MTPN: variants seen among roughly 807,000 people sequenced by gnomAD.
MTPN encodes the protein myotrophin, also known as granule cell differentiation protein.
In MTPN, 2 loss-of-function variants were observed where a neutral mutation model predicts 13.5. That is an observed-to-expected ratio of 0.15 (90% confidence interval 0.06 to 0.47). The LOEUF (loss-of-function observed/expected upper bound fraction) is 0.47, where lower values mean the gene tolerates loss of function less well. Among genes scored for constraint, MTPN ranks in the 20% least tolerant of loss-of-function variants. The probability of loss-of-function intolerance (pLI) is 0.97; values close to 1 mark genes in which losing one functional copy is unlikely to be tolerated. For missense variants in MTPN, 79 were observed against 137.9 expected (o/e 0.57, Z 2.14); for synonymous variants, 46 against 51.7 (o/e 0.89, Z 0.48).
chr7:135,953,148 C>T (rs1417656804), intron 1 of MTPN, among the ~76,000 whole-genome samples: 1 of 152,130 alleles, frequency 6.6e-6, no homozygotes, highest in Admixed American at 6.5e-5. Context: ...TGCCTGCTCC[C>T]TCCTTCCTTC....
Position 135,977,023 on chromosome 7 carries a change from G to T in MTPN, c.72+6C>A. On this transcript the variant is annotated splice_donor_region_variant and intron_variant, in intron 1 of 3. Coordinates refer to ENST00000393085, the MANE Select transcript of MTPN (RefSeq NM_145808.4). ...GTTCTCGCCTACTCTTCTCATCCCC[G>T]CTTACCTTGGCCACATAGTCTTTCA... is the stretch of plus-strand genomic sequence containing the variant. The T allele has an allele frequency of 7.0e-7, 1 of 1,436,980 alleles. No individual in the cohort carries two copies. The highest frequency in any genetic ancestry group is 9.3e-7 in the Non-Finnish European group (1 of 1,070,644). 89.0% of individuals were successfully genotyped at this position (1,436,980 alleles called of 1,614,324 possible). A position where few individuals can be genotyped will look rare whatever the true frequency, so the allele number is the denominator to read the frequency against.
chr7:135,927,185 G>A lies in MTPN; in HGVS notation c.*2741C>T. ...TACAGATTTAAAATCCAGTACTTGG[G>A]AAAAGATATCAATGAATAAAAGGCC... On this transcript the variant is annotated 3_prime_UTR_variant, in exon 4 of 4. Coordinates refer to ENST00000393085, the MANE Select transcript of MTPN (RefSeq NM_145808.4). 2.0e-6 allele frequency: 2 copies of A among 977,898 alleles called. No homozygotes were observed. Among genetic ancestry groups the A allele is most frequent in the Non-Finnish European group, 1.4e-6 (1 of 694,322 alleles). 60.6% of individuals were successfully genotyped at this position (977,898 alleles called of 1,614,324 possible).
At chr7:135,959,144 T>C (rs1208341739) in intron 1 of MTPN, among the ~76,000 whole-genome samples, 1 of 152,208 alleles carries the variant, frequency 6.6e-6, no homozygotes, top group Non-Finnish European at 1.5e-5. Flanking sequence ...GAACACACTA[T>C]GTATTCTTTC....
intron 3 of MTPN, among the ~76,000 whole-genome samples, chr7:135,943,569 TACATAAA>T (rs1310626046): frequency 6.6e-6 from 1 of 152,246 alleles, no homozygotes; most frequent in African/African-American, 2.4e-5. Context: ...ATAGCAATTA[TACATAAA>T]ACATAAAACA....
chr7:135,972,259 ACC>A (rs34175475), intron 1 of MTPN, among the ~76,000 whole-genome samples: 25,401 of 111,078 alleles, frequency 0.23, 2,168 homozygotes, highest in Non-Finnish European at 0.25. Context: ...ACACACACAC[ACC>A]CCATGTAGAT....
intron 1 of MTPN, among the ~76,000 whole-genome samples, chr7:135,965,555 TG>T (rs2116400613): frequency 6.6e-6 from 1 of 152,254 alleles, no homozygotes; most frequent in African/African-American, 2.4e-5. Context: ...GTAAAAGTAC[TG>T]ATGATTCTTA....
chr7:135,959,890 C>CA (rs1310391834), intron 1 of MTPN, among the ~76,000 whole-genome samples: 2 of 151,828 alleles, frequency 1.3e-5, no homozygotes, highest in Admixed American at 6.6e-5. Context: ...TGCTTTACTG[C>CA]AACAACAGAA....
At chr7:135,965,013 T>C (rs1799583030) in intron 1 of MTPN, among the ~76,000 whole-genome samples, 1 of 152,196 alleles carries the variant, frequency 6.6e-6, no homozygotes, top group East Asian at 1.9e-4. Context: ...ATGACTGCTT[T>C]TGCACAACAG....
chr7:135,951,580 A>G lies in MTPN; in HGVS notation c.123T>C (p.Tyr41=), dbSNP rs760717967. ...TLEGGRKPLH[Y]AADCGQLEIL... ...TTTCAAGCTGCCCACAATCTGCTGC[A>G]TAATGAAGAGGTTTCCTTCCACCTT... The change falls in exon 2 of 4, where the codon TAT becomes TAC. Residue 41 remains tyrosine, a synonymous_variant. Coordinates refer to ENST00000393085, the MANE Select transcript of MTPN (RefSeq NM_145808.4). The G allele has an allele frequency of 6.8e-6, 11 of 1,613,810 alleles. No homozygotes were observed. The South Asian group carries it at 1.1e-4, about 16-fold the overall frequency.
intron 3 of MTPN, among the ~76,000 whole-genome samples, chr7:135,937,699 A>T (rs1562929436): frequency 6.6e-6 from 1 of 152,068 alleles, no homozygotes; most frequent in African/African-American, 2.4e-5. Context: ...TTTTTCAATA[A>T]AAGTTACATG....
At chr7:135,950,076 A>G (rs10085458) in intron 3 of MTPN, among the ~76,000 whole-genome samples, 14,954 of 152,188 alleles carry the variant, frequency 0.098, 1,067 homozygotes, top group African/African-American at 0.2. Context: ...CTAAGGGCTT[A>G]TAATAGCAAA....
At chr7:135,947,031 T>C (rs1799297449) in intron 3 of MTPN, among the ~76,000 whole-genome samples, 1 of 152,242 alleles carries the variant, frequency 6.6e-6, no homozygotes, top group East Asian at 1.9e-4. Flanking sequence ...TACTCTGGAT[T>C]TGGTGAAAAT....
At position 135,977,104 on chromosome 7, in the gene MTPN, T is replaced by G; in HGVS notation, c.-4A>C. ...ACATGAACTCCTTGTCGCACATCAC[T>G]GCAGCGGGGCAGGCCGGTTGGCCGG... On this transcript the variant is annotated 5_prime_UTR_variant, in exon 1 of 4. Coordinates refer to ENST00000393085, the MANE Select transcript of MTPN (RefSeq NM_145808.4). 2 of 1,614,112 alleles carry G rather than the reference T, an allele frequency of 1.2e-6. No individual in the cohort carries two copies. Among genetic ancestry groups the G allele is most frequent in the Non-Finnish European group, 1.7e-6 (2 of 1,180,004 alleles).
intron 1 of MTPN, among the ~76,000 whole-genome samples, chr7:135,972,971 G>C (rs573248649): frequency 6.6e-6 from 1 of 151,752 alleles, no homozygotes; most frequent in East Asian, 2.0e-4. Flanking sequence ...CAGGATGGCA[G>C]GGTCTGGAGC....
chr7:135,934,010 AG>A (rs1183218158), intron 3 of MTPN, among the ~76,000 whole-genome samples: 1 of 152,076 alleles, frequency 6.6e-6, no homozygotes, highest in Non-Finnish European at 1.5e-5. Context: ...GCCTCCTGCC[AG>A]GATTGTTAAG....
intron 3 of MTPN, among the ~76,000 whole-genome samples, chr7:135,949,461 A>G (rs1291904239): frequency 6.6e-6 from 1 of 151,482 alleles, no homozygotes; most frequent in African/African-American, 2.4e-5. Flanking sequence ...GGACAAATGC[A>G]TCATTCTTAT....
chr7:135,953,436 T>G (rs1195484915), intron 1 of MTPN, among the ~76,000 whole-genome samples: 1 of 152,164 alleles, frequency 6.6e-6, no homozygotes, highest in African/African-American at 2.4e-5. Flanking sequence ...CATTAGATCT[T>G]GGGCAAGTTA....
chr7:135,948,881 T>C (rs1799322486), intron 3 of MTPN, among the ~76,000 whole-genome samples: 1 of 151,294 alleles, frequency 6.6e-6, no homozygotes, highest in Admixed American at 6.6e-5. Context: ...CCCATGGAGG[T>C]TTTTATTTTC....
intron 3 of MTPN, among the ~76,000 whole-genome samples, chr7:135,941,843 C>T (rs1799214793): frequency 6.6e-6 from 1 of 151,760 alleles, no homozygotes; most frequent in Non-Finnish European, 1.5e-5. Flanking sequence ...TCAAATTACT[C>T]CTCTTCAAGG....
Sources: allele counts gnomAD v4.1 joint callset (sites outside exome capture counted in the v4.1 genomes callset), GRCh38; gene constraint gnomAD v4.1.1; transcripts MANE v1.5; gene names NCBI Gene and HGNC (gene_info 2026-07-23, HGNC 2026-07-21).